XPO7: variants seen among roughly 807,000 people sequenced by gnomAD.
XPO7 encodes exportin-7.
A neutral mutation model predicts 144.3 loss-of-function variants in XPO7; 21 were observed. The observed-to-expected ratio is 0.15, with a 90% confidence interval of 0.10 to 0.21. The LOEUF (loss-of-function observed/expected upper bound fraction) is 0.21. Ranked by LOEUF, XPO7 falls within the 10% of genes least tolerant of loss-of-function variation. The pLI is 1.00. For synonymous variants in XPO7, 580 were observed against 499.6 expected, an observed-to-expected ratio of 1.16 and a Z score of -2.15; for missense variants, 808 against 1,325.8, an observed-to-expected ratio of 0.61 and a Z score of 6.06.
chr8:21,995,501 C>A lies in XPO7; in HGVS notation c.2247C>A (p.Ser749=), dbSNP rs1260028742. Residue 749 remains serine, a synonymous_variant, in exon 21 of 28, where the codon TCC becomes TCA. Transcript: ENST00000252512. ...FMMLFEWIYP[S]YMPILQRAIE... The stretch of plus-strand genomic sequence containing the variant: ...AGCTTCTCATTTACAGATATCCATC[C>A]TATATGCCAATTCTCCAACGGGCAA... The A allele has an allele frequency of 6.2e-7, 1 of 1,606,692 alleles. No individual in the cohort carries two copies. The highest frequency in any genetic ancestry group is 8.5e-7 in the Non-Finnish European group (1 of 1,176,170).
At chr8:22,000,711 C>T (rs1813112807) in intron 24 of XPO7, among the ~76,000 whole-genome samples, 1 of 152,088 alleles carries the variant, frequency 6.6e-6, no homozygotes, top group Non-Finnish European at 1.5e-5. Context: ...GCTTGGCCTC[C>T]CAAAATACTG....
intron 22 of XPO7, 45 bp downstream of exon 22, chr8:21,998,882 C>A: frequency 5.0e-6 from 8 of 1,595,912 alleles, no homozygotes; most frequent in Non-Finnish European, 6.9e-6. Flanking sequence ...AATTCCAGCT[C>A]AGTCACCACA....
intron 1 of XPO7, among the ~76,000 whole-genome samples, chr8:21,926,116 G>T (rs559776954): frequency 1.3e-5 from 2 of 151,906 alleles, no homozygotes; most frequent in African/African-American, 4.8e-5. Flanking sequence ...AAGCCCCTGG[G>T]TTTTAAACCT....
At chr8:21,974,897 T>A in intron 6 of XPO7, 123 bp downstream of exon 6, 1 of 778,120 alleles carries the variant, frequency 1.3e-6, no homozygotes, top group South Asian at 2.0e-5. Flanking sequence ...TTAATCATCA[T>A]CTCTTATATA....
Position 21,989,025 on chromosome 8 carries a change from G to A in XPO7, c.1810G>A (p.Gly604Ser). The A allele has an allele frequency of 1.2e-6, 2 of 1,613,394 alleles. No homozygotes were observed. The highest frequency in any genetic ancestry group is 1.7e-6 in the Non-Finnish European group (2 of 1,179,772). The change falls in exon 16 of 28, where the codon GGC becomes AGC. Residue 604 changes from glycine to serine, a missense_variant. Gly to Ser is a moderately conservative substitution (Grantham distance 56, BLOSUM62 0). This residue lies in a region of XPO7 where 416 missense variants were observed against 612.5 expected (regional missense o/e 0.68). Coordinates refer to ENST00000252512, the MANE Select transcript of XPO7 (RefSeq NM_015024.5). ...CAGCATCACCAACTTGAAGTACTGG[G>A]GCCGTTGTGAACCAATCACCTCCAA... The part of the protein sequence containing the change: ...GKIITNLKYW[G>S]RCEPITSKTL...
At chr8:21,973,503 A>T (rs995408276) in intron 5 of XPO7, among the ~76,000 whole-genome samples, 6 of 152,216 alleles carry the variant, frequency 3.9e-5, no homozygotes, top group Non-Finnish European at 5.9e-5. Flanking sequence ...GCCTCTAAAT[A>T]ATTTGAATTT....
intron 1 of XPO7, among the ~76,000 whole-genome samples, chr8:21,932,687 C>T (rs1810690712): frequency 6.6e-6 from 1 of 152,152 alleles, no homozygotes; most frequent in African/African-American, 2.4e-5. Flanking sequence ...TATTTCTTAT[C>T]TCTTCTTTTA....
At chr8:21,951,856 T>TA (rs1217410340) in intron 1 of XPO7, among the ~76,000 whole-genome samples, 23 of 152,354 alleles carry the variant, frequency 1.5e-4, no homozygotes, top group African/African-American at 4.6e-4. Flanking sequence ...TTACGAGTCT[T>TA]ACAGCTGTCG....
intron 1 of XPO7, among the ~76,000 whole-genome samples, chr8:21,952,248 G>T (rs2169921): frequency 0.018 from 2,716 of 152,126 alleles, 86 homozygotes; most frequent in African/African-American, 0.062. Context: ...TTGCTAGGTA[G>T]ATAGGTAGCA....
intron 1 of XPO7, among the ~76,000 whole-genome samples, chr8:21,956,084 G>T (rs1049353130): frequency 6.6e-6 from 1 of 152,130 alleles, no homozygotes; most frequent in Admixed American, 6.5e-5. Flanking sequence ...ATATTCTGTA[G>T]TAGCTCTTCA....
intron 1 of XPO7, among the ~76,000 whole-genome samples, chr8:21,944,812 TAAC>T (rs1811120057): frequency 6.6e-6 from 1 of 152,168 alleles, no homozygotes; most frequent in Non-Finnish European, 1.5e-5. Context: ...TGATGACTCT[TAAC>T]AAGTATGCTG....
At chr8:21,945,102 G>A (rs372885790) in intron 1 of XPO7, among the ~76,000 whole-genome samples, 37 of 152,192 alleles carry the variant, frequency 2.4e-4, no homozygotes, top group African/African-American at 8.9e-4. Flanking sequence ...ATCATGGCCC[G>A]TTCTCAATGA....
rs911517796 is a variant in XPO7, at chr8:21,995,516, C to T, written c.2262C>T (p.Leu754=). ...EWIYPSYMPI[L]QRAIELWYHD... ...GATATCCATCCTATATGCCAATTCT[C>T]CAACGGGCAATTGAGCTCTGGTACC... The change falls in exon 21 of 28, where the codon CTC becomes CTT. Residue 754 remains leucine (L), a synonymous_variant. Transcript: ENST00000252512. The T allele has an allele frequency of 4.3e-6, 7 of 1,609,388 alleles. No homozygotes were observed. The highest frequency in any genetic ancestry group is 5.1e-6 in the Non-Finnish European group (6 of 1,177,766).
chr8:21,989,794 C>G (rs1812698789), intron 16 of XPO7, among the ~76,000 whole-genome samples: 1 of 84,878 alleles, frequency 1.2e-5, no homozygotes, highest in Non-Finnish European at 2.6e-5. Flanking sequence ...TATTTTCTTA[C>G]AAATAGGAGT....
At chr8:21,948,238 A>G (rs1018222510) in intron 1 of XPO7, among the ~76,000 whole-genome samples, 2 of 152,248 alleles carry the variant, frequency 1.3e-5, no homozygotes, top group African/African-American at 2.4e-5. Context: ...GTGGTCACGT[A>G]AGATTATAAT....
chr8:21,919,942 C>G (rs1461381592), intron 1 of XPO7, among the ~76,000 whole-genome samples, 154 bp downstream of exon 1: 1 of 151,726 alleles, frequency 6.6e-6, no homozygotes, highest in Non-Finnish European at 1.5e-5. Flanking sequence ...TCCCGGAGCC[C>G]CGGGGCCTTT....
intron 1 of XPO7, among the ~76,000 whole-genome samples, chr8:21,964,497 A>T (rs142592616): frequency 1.3e-5 from 2 of 152,316 alleles, no homozygotes; most frequent in African/African-American, 4.8e-5. Context: ...TTAATGTCTC[A>T]TTCCTTTCTC....
At position 22,001,583 on chromosome 8, in the gene XPO7, A is replaced by T. The variant is rs116140532; in HGVS notation, c.2783-529A>T. Among the ~76,000 whole-genome samples the T allele has an allele frequency of 7.0e-3, 1,067 of 152,326 alleles. 12 individuals are homozygous for T. The highest frequency in any genetic ancestry group is 0.024 in the African/African-American group (1,012 of 41,578). ...ACCATAAACATTCAGGGGCTACGTC[A>T]TTCTGGGTTTAATTACATCCCACTG... On this transcript the variant is annotated intron_variant, in intron 24 of 27. Coordinates refer to ENST00000252512, the MANE Select transcript of XPO7 (RefSeq NM_015024.5).
chr8:21,976,914 C>T (rs111846858), intron 7 of XPO7, among the ~76,000 whole-genome samples: 1 of 152,334 alleles, frequency 6.6e-6, no homozygotes, highest in Non-Finnish European at 1.5e-5. Context: ...CTATCTTGGC[C>T]TCCCAGAGTG....
Sources: allele counts gnomAD v4.1 joint callset (sites outside exome capture counted in the v4.1 genomes callset), GRCh38; gene constraint gnomAD v4.1.1; regional missense constraint gnomAD v4.1.1; transcripts MANE v1.5; gene names NCBI Gene and HGNC (gene_info 2026-07-23, HGNC 2026-07-21).